MSRA: variants seen among roughly 807,000 people sequenced by gnomAD.
The protein encoded by MSRA is methionine sulfoxide reductase A.
Under a neutral mutation model 31.3 loss-of-function variants are expected in MSRA, and 54 were observed. The ratio of observed to expected loss-of-function variants is 1.73; its 90% confidence interval spans 1.39 to 2.17. The LOEUF is 2.17. MSRA is among the 30% of genes most tolerant of loss of function. MSRA has a pLI of 0.00. For synonymous variants in MSRA, 169 were observed against 116.5 expected, an observed-to-expected ratio of 1.45 and a Z score of -2.90; for missense variants, 507 against 300.9, an observed-to-expected ratio of 1.69 and a Z score of -5.07.
Position 10,157,397 on chromosome 8 carries a change from C to T in MSRA, c.143-50436C>T, listed in dbSNP as rs142605332. 5.6e-3 allele frequency among the ~76,000 whole-genome samples: 858 copies of T among 152,162 alleles called. 6 individuals are homozygous for T. Among genetic ancestry groups the T allele is most frequent in the African/African-American group, 0.02 (811 of 41,506 alleles). On this transcript the variant is annotated intron_variant, in intron 1 of 5. Coordinates refer to ENST00000317173, the MANE Select transcript of MSRA (RefSeq NM_012331.5). ...TTATCAAATATAATCATTGGTTGGTCTGGTTGATATCTCAGTTAATTTGGG... is the reference window on the plus strand; with the variant it reads ...TTATCAAATATAATCATTGGTTGGTTTGGTTGATATCTCAGTTAATTTGGG...
intron 3 of MSRA, among the ~76,000 whole-genome samples, chr8:10,255,844 T>C (rs1798148791): frequency 6.6e-6 from 1 of 151,822 alleles, no homozygotes; most frequent in Non-Finnish European, 1.5e-5. Flanking sequence ...TAATAAACTG[T>C]TTTTTGTTTA....
intron 1 of MSRA, among the ~76,000 whole-genome samples, chr8:10,080,114 C>T (rs1462290904): frequency 6.6e-6 from 1 of 152,134 alleles, no homozygotes; most frequent in Non-Finnish European, 1.5e-5. Context: ...TTTCTCTGTT[C>T]TTTTTCCCCT....
intron 1 of MSRA, among the ~76,000 whole-genome samples, chr8:10,063,002 C>T (rs1325579775): frequency 6.6e-6 from 1 of 152,134 alleles, no homozygotes; most frequent in Non-Finnish European, 1.5e-5. Context: ...TTCCAACCAC[C>T]CTCGTCTGAA....
intron 5 of MSRA, among the ~76,000 whole-genome samples, chr8:10,364,316 A>C (rs1209141006): frequency 6.6e-6 from 1 of 152,160 alleles, no homozygotes; most frequent in Non-Finnish European, 1.5e-5. Flanking sequence ...CAGAATCATC[A>C]ACACAGGCTC....
intron 1 of MSRA, among the ~76,000 whole-genome samples, chr8:10,151,226 C>T (rs540346654): frequency 7.2e-6 from 1 of 138,888 alleles, no homozygotes; most frequent in African/African-American, 2.8e-5. Flanking sequence ...TGCACCACTG[C>T]ATTCCAGCCT....
At chr8:10,114,524 G>C (rs1024755020) in intron 1 of MSRA, among the ~76,000 whole-genome samples, 3 of 152,146 alleles carry the variant, frequency 2.0e-5, no homozygotes, top group Admixed American at 2.0e-4. Flanking sequence ...TTTTTTAAAT[G>C]ACAGCCATGC....
intron 2 of MSRA, among the ~76,000 whole-genome samples, chr8:10,217,403 G>A (rs1810087292): frequency 1.3e-5 from 2 of 152,200 alleles, no homozygotes; most frequent in Non-Finnish European, 2.9e-5. Flanking sequence ...CTTGTCTGCT[G>A]GCTCTGGTTT....
At chr8:10,149,835 T>C (rs4841288) in intron 1 of MSRA, among the ~76,000 whole-genome samples, 17,837 of 43,664 alleles carry the variant, frequency 0.41, 5,550 homozygotes, top group Non-Finnish European at 0.57. Flanking sequence ...CATGGGACGG[T>C]ATATTTGTGC....
intron 1 of MSRA, among the ~76,000 whole-genome samples, chr8:10,166,539 A>G (rs1805142358): frequency 1.3e-5 from 2 of 152,004 alleles, no homozygotes; most frequent in East Asian, 1.9e-4. Context: ...GTGTGTGTGC[A>G]TGTGCATTTG....
intron 1 of MSRA, among the ~76,000 whole-genome samples, chr8:10,105,426 G>A (rs929644053): frequency 6.6e-6 from 1 of 152,158 alleles, no homozygotes; most frequent in African/African-American, 2.4e-5. Context: ...CATTTTCCAT[G>A]TAAACTTTTG....
chr8:10,057,897 G>T (rs1802485195), intron 1 of MSRA, among the ~76,000 whole-genome samples: 1 of 152,158 alleles, frequency 6.6e-6, no homozygotes. Context: ...CTTTATAGCA[G>T]TGTGAAAACA....
intron 5 of MSRA, among the ~76,000 whole-genome samples, chr8:10,395,841 T>C (rs1441528426): frequency 1.3e-5 from 2 of 152,090 alleles, no homozygotes; most frequent in Non-Finnish European, 2.9e-5. Flanking sequence ...ATATCTTTAA[T>C]AAAAATATAA....
At chr8:10,278,484 G>A (rs1799443144) in intron 3 of MSRA, among the ~76,000 whole-genome samples, 1 of 152,230 alleles carries the variant, frequency 6.6e-6, no homozygotes, top group South Asian at 2.1e-4. Flanking sequence ...CTTTCCTTCT[G>A]TGGCTCTGCT....
intron 1 of MSRA, among the ~76,000 whole-genome samples, chr8:10,176,527 G>C (rs1199315239): frequency 6.6e-6 from 1 of 152,198 alleles, no homozygotes; most frequent in Non-Finnish European, 1.5e-5. Context: ...TCATGGTAGG[G>C]TCCAGGGCTG....
intron 5 of MSRA, among the ~76,000 whole-genome samples, chr8:10,398,131 A>AACTTT (rs1481429151): frequency 6.6e-6 from 1 of 152,252 alleles, no homozygotes. Context: ...TTACAATGGT[A>AACTTT]ACATTCATCA....
At chr8:10,355,963 G>T (rs1371778198) in intron 5 of MSRA, among the ~76,000 whole-genome samples, 4 of 152,202 alleles carry the variant, frequency 2.6e-5, no homozygotes, top group Admixed American at 6.5e-5. Flanking sequence ...GAAGGGGTCT[G>T]TTCACAAGGA....
At chr8:10,054,786 C>T (rs904963015) in intron 1 of MSRA, 128 bp downstream of exon 1, 2 of 1,118,740 alleles carry the variant, frequency 1.8e-6, no homozygotes, top group Non-Finnish European at 1.1e-6. Flanking sequence ...GGGTGGGGGT[C>T]TGCGCAGGCG....
At chr8:10,382,738 G>C (rs184606365) in intron 5 of MSRA, among the ~76,000 whole-genome samples, 2 of 151,984 alleles carry the variant, frequency 1.3e-5, no homozygotes, top group Non-Finnish European at 2.9e-5. Context: ...GGCAAGAATG[G>C]CATTTCTGGA....
At chr8:10,132,122 T>C (rs572269868) in intron 1 of MSRA, among the ~76,000 whole-genome samples, 1 of 152,336 alleles carries the variant, frequency 6.6e-6, no homozygotes, top group South Asian at 2.1e-4. Flanking sequence ...TCAAGGTTGA[T>C]TGCTAATTTT....
Sources: allele counts gnomAD v4.1 joint callset (sites outside exome capture counted in the v4.1 genomes callset), GRCh38; gene constraint gnomAD v4.1.1; transcripts MANE v1.5; gene names NCBI Gene and HGNC (gene_info 2026-07-23, HGNC 2026-07-21).